The following FBXW7 variants were observed in gnomAD, a reference collection of about 807,000 sequenced individuals.
The protein encoded by FBXW7 is F-box and WD repeat domain containing 7, also known as F-box/WD repeat-containing protein 7.
Under a neutral mutation model 86.3 loss-of-function variants are expected in FBXW7, and 11 were observed. The observed-to-expected ratio is 0.13, with a 90% confidence interval of 0.08 to 0.21. FBXW7 has a LOEUF of 0.21. FBXW7 is among the 10% of genes least tolerant of loss of function. The pLI is 1.00. For synonymous variants in FBXW7, 313 were observed against 297.9 expected (o/e 1.05, Z -0.52); for missense variants, 488 against 847.4 (o/e 0.58, Z 5.27).
At position 152,321,332 on chromosome 4, in the gene FBXW7, A is replaced by T. The variant is rs1450777715; in HGVS notation, c.*1549T>A. The stretch of plus-strand genomic sequence containing the variant: ...TTTCTAAGTGAATCAAACCATAGAC[A>T]CAATCCCTTTAAAGGTTGTTTTCCT... On this transcript the variant is annotated 3_prime_UTR_variant, in exon 14 of 14. Coordinates refer to ENST00000281708, the MANE Select transcript of FBXW7 (RefSeq NM_001349798.2). 3 of 232,836 alleles carry T rather than the reference A, an allele frequency of 1.3e-5. No homozygotes were observed. Among genetic ancestry groups the T allele is most frequent in the African/African-American group, 6.6e-5 (3 of 45,308 alleles). 14.4% of individuals were successfully genotyped at this position (232,836 alleles called of 1,614,324 possible).
intron 2 of FBXW7, among the ~76,000 whole-genome samples, chr4:152,476,618 A>G (rs1744427130): frequency 6.6e-6 from 1 of 152,196 alleles, no homozygotes; most frequent in South Asian, 2.1e-4. Context: ...AAGAAAGCAA[A>G]TAACCTGATT....
intron 2 of FBXW7, among the ~76,000 whole-genome samples, chr4:152,415,727 G>C (rs937760569): frequency 3.3e-5 from 5 of 152,038 alleles, no homozygotes; most frequent in African/African-American, 1.2e-4. Flanking sequence ...CCACCACTGT[G>C]AACTCATATT....
intron 2 of FBXW7, among the ~76,000 whole-genome samples, chr4:152,458,666 A>G (rs992748965): frequency 1.2e-4 from 18 of 152,240 alleles, no homozygotes; most frequent in Admixed American, 9.2e-4. Flanking sequence ...CCACAGTCCC[A>G]TATCTACCTT....
chr4:152,481,864 C>T (rs1391439953), intron 2 of FBXW7, among the ~76,000 whole-genome samples: 1 of 152,150 alleles, frequency 6.6e-6, no homozygotes, highest in Non-Finnish European at 1.5e-5. Flanking sequence ...AAAGTGATTT[C>T]TTTAGATGGA....
At chr4:152,351,681 A>G (rs1731832503) in intron 4 of FBXW7, among the ~76,000 whole-genome samples, 1 of 152,152 alleles carries the variant, frequency 6.6e-6, no homozygotes, top group Admixed American at 6.5e-5. Context: ...TAGTTTTTTG[A>G]TAACTTCCAC....
intron 2 of FBXW7, among the ~76,000 whole-genome samples, chr4:152,462,618 A>G (rs1277596612): frequency 6.6e-6 from 1 of 152,212 alleles, no homozygotes; most frequent in Non-Finnish European, 1.5e-5. Flanking sequence ...AAAGCCACAA[A>G]CATACAATTA....
At chr4:152,414,304 T>C (rs189077395) in intron 2 of FBXW7, among the ~76,000 whole-genome samples, 1 of 152,084 alleles carries the variant, frequency 6.6e-6, no homozygotes, top group East Asian at 1.9e-4. Flanking sequence ...GCACAATCAC[T>C]AACAAAAAGC....
intron 2 of FBXW7, among the ~76,000 whole-genome samples, chr4:152,486,011 A>G (rs1745306810): frequency 1.3e-5 from 2 of 152,228 alleles, no homozygotes; most frequent in African/African-American, 2.4e-5. Context: ...CTCCTAGGCT[A>G]CAAACCTGTA....
intron 2 of FBXW7, among the ~76,000 whole-genome samples, chr4:152,443,654 C>T (rs1233354281): frequency 6.6e-6 from 1 of 151,972 alleles, no homozygotes; most frequent in Admixed American, 6.6e-5. Flanking sequence ...ACACTTTCTA[C>T]TGCAGATTAA....
intron 2 of FBXW7, among the ~76,000 whole-genome samples, chr4:152,488,712 A>G (rs1745569078): frequency 6.6e-6 from 1 of 152,132 alleles, no homozygotes; most frequent in Non-Finnish European, 1.5e-5. Flanking sequence ...TGTTTTAATT[A>G]ATTATTCTCT....
chr4:152,361,824 G>C (rs1371891082), intron 4 of FBXW7, among the ~76,000 whole-genome samples: 2 of 151,914 alleles, frequency 1.3e-5, no homozygotes, highest in Non-Finnish European at 2.9e-5. Flanking sequence ...AAATTAGCCG[G>C]GTATGGTGGT....
At chr4:152,428,513 G>C (rs961878919) in intron 2 of FBXW7, among the ~76,000 whole-genome samples, 3 of 152,212 alleles carry the variant, frequency 2.0e-5, no homozygotes, top group Non-Finnish European at 2.9e-5. Flanking sequence ...AATTCAGAAA[G>C]AGAGATTCAA....
chr4:152,390,713 C>T (rs1256293807), intron 4 of FBXW7, among the ~76,000 whole-genome samples: 2 of 151,962 alleles, frequency 1.3e-5, no homozygotes, highest in South Asian at 2.1e-4. Context: ...ATAAATTAAA[C>T]ATTACTTACC....
chr4:152,394,178 T>C (rs1019536163), intron 4 of FBXW7, among the ~76,000 whole-genome samples: 2 of 152,088 alleles, frequency 1.3e-5, no homozygotes, highest in African/African-American at 2.4e-5. Flanking sequence ...TAATCATCTC[T>C]TCACTGTGAA....
At position 152,411,718 on chromosome 4, in the gene FBXW7, T is replaced by C; in HGVS notation, c.86A>G (p.Asp29Gly). ...TACCACACGATTCATCTGTTCTTCA[T>C]CTACCTGGCTTGAGGAAGGGTTACC... ...LRGNPSSSQVDEEQMNRVVEE... is the reference protein window; with the variant it reads ...LRGNPSSSQVGEEQMNRVVEE... Residue 29 changes from aspartate (D) to glycine (G), a missense_variant, in exon 4 of 14, where the codon GAT becomes GGT. By Grantham distance (94) the Asp-to-Gly change is moderately conservative. Coordinates refer to ENST00000281708, the MANE Select transcript of FBXW7 (RefSeq NM_001349798.2). 4.3e-6 allele frequency: 7 copies of C among 1,613,774 alleles called. No individual in the cohort carries two copies. Among genetic ancestry groups the C allele is most frequent in the Non-Finnish European group, 5.9e-6 (7 of 1,179,840 alleles).
intron 2 of FBXW7, among the ~76,000 whole-genome samples, chr4:152,507,347 T>C (rs1029660260): frequency 6.6e-6 from 1 of 152,188 alleles, no homozygotes; most frequent in Non-Finnish European, 1.5e-5. Flanking sequence ...AGGAAGCTCT[T>C]AGAAAAGTTT....
chr4:152,333,742 T>A (rs551361647), intron 7 of FBXW7, among the ~76,000 whole-genome samples: 1 of 152,154 alleles, frequency 6.6e-6, no homozygotes, highest in South Asian at 2.1e-4. Context: ...GCTTTCCCAA[T>A]GACTTTGCAT....
chr4:152,489,680 T>C (rs1745661539), intron 2 of FBXW7, among the ~76,000 whole-genome samples: 1 of 152,118 alleles, frequency 6.6e-6, no homozygotes, highest in Admixed American at 6.6e-5. Context: ...ACAGGATGTG[T>C]TTAGAATTTA....
At chr4:152,395,800 T>C (rs539841038) in intron 4 of FBXW7, among the ~76,000 whole-genome samples, 24 of 152,180 alleles carry the variant, frequency 1.6e-4, no homozygotes, top group Middle Eastern at 3.4e-3. Flanking sequence ...GTTTCAGTTA[T>C]TCAGTTCAAG....
Sources: allele counts gnomAD v4.1 joint callset (sites outside exome capture counted in the v4.1 genomes callset), GRCh38; gene constraint gnomAD v4.1.1; transcripts MANE v1.5; gene names NCBI Gene and HGNC (gene_info 2026-07-23, HGNC 2026-07-21).